The following TTC28 variants were observed in gnomAD, a reference collection of about 807,000 sequenced individuals.
TTC28 encodes tetratricopeptide repeat domain 28.
A neutral mutation model predicts 198.0 loss-of-function variants in TTC28; 61 were observed. The ratio of observed to expected loss-of-function variants is 0.31; its 90% CI spans 0.25 to 0.38. The LOEUF (loss-of-function observed/expected upper bound fraction) is 0.38. Ranked by LOEUF, TTC28 falls within the 10% of genes least tolerant of loss-of-function variation. The pLI is 1.00. For missense variants in TTC28, 2,678 were observed against 3,164.0 expected, an observed-to-expected ratio of 0.85 and a Z score of 3.69; for synonymous variants, 1,171 against 1,297.8, an observed-to-expected ratio of 0.90 and a Z score of 2.10.
At chr22:28,554,662 G>A (rs1475746869) in intron 2 of TTC28, among the ~76,000 whole-genome samples, 1 of 152,138 alleles carries the variant, frequency 6.6e-6, no homozygotes, top group Non-Finnish European at 1.5e-5. Flanking sequence ...CTTGAGGTCA[G>A]GAGTTCGAGA....
At chr22:28,530,467 C>G (rs951564343) in intron 2 of TTC28, among the ~76,000 whole-genome samples, 3 of 152,270 alleles carry the variant, frequency 2.0e-5, no homozygotes, top group East Asian at 3.9e-4. Context: ...GAGAATGGAA[C>G]CAAGTTGGAA....
chr22:28,095,844 A>G (rs1332254660), intron 11 of TTC28, among the ~76,000 whole-genome samples: 1 of 152,196 alleles, frequency 6.6e-6, no homozygotes, highest in Non-Finnish European at 1.5e-5. Flanking sequence ...CCATGTCTAG[A>G]AAGAATTCGT....
intron 2 of TTC28, among the ~76,000 whole-genome samples, chr22:28,501,136 G>A (rs1021196196): frequency 1.3e-5 from 2 of 152,058 alleles, no homozygotes; most frequent in African/African-American, 4.8e-5. Context: ...TATGTACTAG[G>A]TGTACAAAAA....
chr22:28,027,958 T>C (rs1269504317), intron 13 of TTC28, among the ~76,000 whole-genome samples: 18 of 152,238 alleles, frequency 1.2e-4, no homozygotes, highest in Admixed American at 1.2e-3. Context: ...AAGGATACCT[T>C]TGCCTCTGTG....
intron 2 of TTC28, among the ~76,000 whole-genome samples, chr22:28,399,960 A>C (rs1359882648): frequency 1.3e-5 from 2 of 152,222 alleles, no homozygotes; most frequent in Non-Finnish European, 2.9e-5. Context: ...TGAGCAAAAA[A>C]TCTTAAAACA....
At chr22:28,599,256 C>A (rs2050597954) in intron 2 of TTC28, among the ~76,000 whole-genome samples, 1 of 152,228 alleles carries the variant, frequency 6.6e-6, no homozygotes, top group Admixed American at 6.5e-5. Flanking sequence ...TTTGCCTATA[C>A]AAATCAAATG....
chr22:28,047,432 C>G (rs934446553), intron 12 of TTC28, among the ~76,000 whole-genome samples: 1 of 152,142 alleles, frequency 6.6e-6, no homozygotes, highest in Non-Finnish European at 1.5e-5. Flanking sequence ...GTAAAGTCAC[C>G]TGGAGAGGCC....
At chr22:28,671,855 T>C (rs1371467240) in intron 1 of TTC28, among the ~76,000 whole-genome samples, 4 of 151,348 alleles carry the variant, frequency 2.6e-5, no homozygotes, top group Non-Finnish European at 4.4e-5. Context: ...TTTGTGTTTT[T>C]AGTAGAGACA....
chr22:28,547,849 A>G (rs1331669382), intron 2 of TTC28, among the ~76,000 whole-genome samples: 1 of 151,910 alleles, frequency 6.6e-6, no homozygotes, highest in Non-Finnish European at 1.5e-5. Context: ...GCAAAACCAG[A>G]GCCAACAGTT....
Position 28,014,273 on chromosome 22 carries a change from T to C in TTC28, c.4193A>G (p.Asp1398Gly). The change falls in exon 14 of 23, where the codon GAC becomes GGC. Residue 1398 changes from aspartate (D) to glycine (G), a missense_variant. Physicochemically the swap from Asp to Gly is moderately conservative, Grantham distance 94. Transcript: ENST00000397906. ...FAKPPLRALY[D>G]LLIAPMEGGL... is the part of the protein sequence containing the mutation. ...CCCTTCCATGGGCGCGATGAGCAGG[T>C]CATACAGGGCACGGAGCGGGGGCTT... 1 of 1,551,448 alleles carries C rather than the reference T, an allele frequency of 6.4e-7. No homozygotes were observed. The highest frequency in any genetic ancestry group is 8.7e-7 in the Non-Finnish European group (1 of 1,146,886).
At chr22:28,286,033 T>C (rs1386475736) in intron 5 of TTC28, among the ~76,000 whole-genome samples, 3 of 151,842 alleles carry the variant, frequency 2.0e-5, no homozygotes, top group Non-Finnish European at 4.4e-5. Flanking sequence ...AGAATCTCAC[T>C]CTGTCACCCA....
intron 2 of TTC28, among the ~76,000 whole-genome samples, chr22:28,388,683 A>T (rs1411652322): frequency 6.6e-6 from 1 of 152,220 alleles, no homozygotes; most frequent in Admixed American, 6.5e-5. Flanking sequence ...ACTTTTGTAC[A>T]TTGATTTTGT....
intron 1 of TTC28, among the ~76,000 whole-genome samples, chr22:28,636,676 G>A (rs1284342544): frequency 6.6e-6 from 1 of 152,066 alleles, no homozygotes; most frequent in Non-Finnish European, 1.5e-5. Context: ...GGTCTTCTTT[G>A]TACAAATTAT....
At chr22:28,445,017 A>G (rs2047682332) in intron 2 of TTC28, among the ~76,000 whole-genome samples, 1 of 152,214 alleles carries the variant, frequency 6.6e-6, no homozygotes, top group Admixed American at 6.5e-5. Context: ...AAATTCATCA[A>G]TCTACTCCAA....
intron 5 of TTC28, among the ~76,000 whole-genome samples, chr22:28,215,411 G>T (rs947210938): frequency 2.0e-5 from 3 of 152,172 alleles, no homozygotes; most frequent in Non-Finnish European, 4.4e-5. Flanking sequence ...GAAGGTAGAG[G>T]TTCCAATGAT....
intron 5 of TTC28, among the ~76,000 whole-genome samples, chr22:28,211,459 CA>C (rs1294946110): frequency 6.6e-6 from 1 of 151,414 alleles, no homozygotes; most frequent in African/African-American, 2.4e-5. Context: ...AAATGGAAAA[CA>C]AAAAAAGCAG....
chr22:28,455,870 G>T (rs2047851635), intron 2 of TTC28, among the ~76,000 whole-genome samples: 1 of 151,830 alleles, frequency 6.6e-6, no homozygotes, highest in South Asian at 2.1e-4. Flanking sequence ...GCTTTGTAAA[G>T]AATGCTGGAC....
intron 13 of TTC28, among the ~76,000 whole-genome samples, chr22:28,018,291 G>A (rs1206726259): frequency 4.8e-5 from 6 of 125,712 alleles, no homozygotes; most frequent in Non-Finnish European, 1.0e-4. Flanking sequence ...GTGTGTGCGC[G>A]CGTGTGTGCG....
chr22:28,077,137 C>T (rs1027965136), intron 12 of TTC28, among the ~76,000 whole-genome samples: 1 of 152,018 alleles, frequency 6.6e-6, no homozygotes, highest in East Asian at 1.9e-4. Flanking sequence ...TAGGATTGCA[C>T]CTCTATTTAT....
Sources: allele counts gnomAD v4.1 joint callset (sites outside exome capture counted in the v4.1 genomes callset), GRCh38; gene constraint gnomAD v4.1.1; transcripts MANE v1.5; gene names NCBI Gene and HGNC (gene_info 2026-07-23, HGNC 2026-07-21).